Variants in PAQR5 observed in about 807,000 individuals in gnomAD.
PAQR5 encodes membrane progestin receptor gamma.
In PAQR5, 20 loss-of-function variants were observed where a neutral mutation model predicts 34.5. The ratio of observed to expected loss-of-function variants is 0.58; its 90% CI spans 0.41 to 0.84. The LOEUF is 0.84. Among genes scored for constraint, PAQR5 ranks in the 40% least tolerant of loss-of-function variants. PAQR5 has a pLI of 0.00. For synonymous variants in PAQR5, 131 were observed against 155.6 expected, an observed-to-expected ratio of 0.84 and a Z score of 1.18; for missense variants, 378 against 412.7, an observed-to-expected ratio of 0.92 and a Z score of 0.73.
intron 6 of PAQR5, among the ~76,000 whole-genome samples, chr15:69,393,021 A>G (rs946130367): frequency 6.6e-6 from 1 of 152,008 alleles, no homozygotes; most frequent in Non-Finnish European, 1.5e-5. Flanking sequence ...AAAAAAAAAA[A>G]TCCTACGCAC....
At chr15:69,361,726 C>T (rs2055237809) in intron 3 of PAQR5, among the ~76,000 whole-genome samples, 1 of 152,190 alleles carries the variant, frequency 6.6e-6, no homozygotes, top group Admixed American at 6.5e-5. Flanking sequence ...CCAATCACCT[C>T]CCACCAGGTT....
chr15:69,320,162 G>A (rs988215588), intron 1 of PAQR5, among the ~76,000 whole-genome samples: 1 of 152,236 alleles, frequency 6.6e-6, no homozygotes, highest in Non-Finnish European at 1.5e-5. Flanking sequence ...GGAGGACCCC[G>A]CCTGCTGCAC....
At chr15:69,312,627 T>C (rs9806178) in intron 1 of PAQR5, among the ~76,000 whole-genome samples, 68,120 of 149,222 alleles carry the variant, frequency 0.46, 16,385 homozygotes, top group African/African-American at 0.61. Flanking sequence ...CCCCTTCTCC[T>C]GTCCAGTCCC....
chr15:69,352,365 T>C (rs1359205341), intron 2 of PAQR5, among the ~76,000 whole-genome samples: 1 of 152,222 alleles, frequency 6.6e-6, no homozygotes, highest in Non-Finnish European at 1.5e-5. Context: ...GCCATAAAGT[T>C]GGGCATGCAC....
At chr15:69,400,171 C>T (rs1567044812) in intron 8 of PAQR5, 56 bp downstream of exon 8, 4 of 1,537,400 alleles carry the variant, frequency 2.6e-6, no homozygotes. Flanking sequence ...TGGGGAGGGT[C>T]CTGTCCCTGA....
At chr15:69,348,317 T>C (rs2054825293) in intron 2 of PAQR5, among the ~76,000 whole-genome samples, 2 of 152,238 alleles carry the variant, frequency 1.3e-5, no homozygotes, top group South Asian at 4.1e-4. Context: ...AAGAAAGTAC[T>C]GCGATTTTAA....
chr15:69,383,363 CTTTGTGTACATGGTGGAGGGTGA>C (rs2055978267), intron 4 of PAQR5, among the ~76,000 whole-genome samples: 1 of 139,864 alleles, frequency 7.1e-6, no homozygotes, highest in African/African-American at 2.8e-5. Context: ...GTGAGTGGGC[CTTTGTGTACATGGTGGAGGGTGA>C]CTGGCCCTCT....
intron 3 of PAQR5, among the ~76,000 whole-genome samples, chr15:69,364,617 TAA>T (rs2055342886): frequency 7.2e-6 from 1 of 139,392 alleles, no homozygotes; most frequent in South Asian, 2.3e-4. Context: ...GAAATGCTTT[TAA>T]CATTTCACCA....
intron 1 of PAQR5, among the ~76,000 whole-genome samples, chr15:69,307,009 T>C (rs1453597522): frequency 6.6e-6 from 1 of 152,226 alleles, no homozygotes; most frequent in Non-Finnish European, 1.5e-5. Flanking sequence ...TCACTTAGCA[T>C]AGTGTCTTCA....
chr15:69,370,091 C>T (rs986657045), intron 3 of PAQR5, among the ~76,000 whole-genome samples: 1 of 152,196 alleles, frequency 6.6e-6, no homozygotes, highest in African/African-American at 2.4e-5. Context: ...AACATCTAAT[C>T]GACCATCATT....
intron 1 of PAQR5, among the ~76,000 whole-genome samples, chr15:69,311,877 T>C (rs2053841835): frequency 6.6e-6 from 1 of 152,090 alleles, no homozygotes; most frequent in Admixed American, 6.5e-5. Flanking sequence ...TCAATTAAAA[T>C]CCTGCAGGTA....
At chr15:69,336,316 G>A (rs1360275844) in intron 1 of PAQR5, among the ~76,000 whole-genome samples, 1 of 151,996 alleles carries the variant, frequency 6.6e-6, no homozygotes, top group East Asian at 1.9e-4. Flanking sequence ...GTCCTCTAAA[G>A]TCCAAAAATG....
In PAQR5 at chr15:69,405,267, C is replaced by T; in HGVS notation, c.*1445C>T. 1 of 335,060 alleles carries T rather than the reference C, an allele frequency of 3.0e-6. No individual in the cohort carries two copies. Among genetic ancestry groups the T allele is most frequent in the Non-Finnish European group, 5.4e-6 (1 of 186,566 alleles). The allele number at this position is 335,060 out of a possible 1,614,324, so 20.8% of individuals were successfully genotyped here. On this transcript the variant is annotated 3_prime_UTR_variant, in exon 9 of 9. Transcript: ENST00000395407. ...TCCTCACAATGCAGGATCCTCTTTG[C>T]TGACTCAGGAATACTCCATATTTTA... is the stretch of plus-strand genomic sequence containing the variant.
chr15:69,377,828 C>T (rs1477291855), intron 3 of PAQR5, among the ~76,000 whole-genome samples: 1 of 152,130 alleles, frequency 6.6e-6, no homozygotes, highest in East Asian at 1.9e-4. Flanking sequence ...TGACTTGGAA[C>T]CCCAAGAAAT....
intron 1 of PAQR5, among the ~76,000 whole-genome samples, chr15:69,316,983 G>A (rs891540329): frequency 6.6e-6 from 1 of 152,036 alleles, no homozygotes; most frequent in Non-Finnish European, 1.5e-5. Flanking sequence ...CTAGGCCTGG[G>A]TAATTTTTGT....
intron 3 of PAQR5, among the ~76,000 whole-genome samples, chr15:69,378,066 C>G (rs1420095129): frequency 6.6e-6 from 1 of 151,692 alleles, no homozygotes; most frequent in Non-Finnish European, 1.5e-5. Context: ...AGTTTGAGAC[C>G]AGTCTGGGCA....
intron 4 of PAQR5, among the ~76,000 whole-genome samples, chr15:69,380,795 A>G (rs553163096): frequency 1.3e-5 from 2 of 152,352 alleles, no homozygotes; most frequent in East Asian, 3.9e-4. Context: ...CCACTGGTCG[A>G]TGTAGACACA....
At chr15:69,354,777 G>A (rs2055012466) in intron 2 of PAQR5, among the ~76,000 whole-genome samples, 1 of 152,142 alleles carries the variant, frequency 6.6e-6, no homozygotes, top group Admixed American at 6.5e-5. Flanking sequence ...TAAGTCCATG[G>A]ACCAAGTGGG....
intron 2 of PAQR5, among the ~76,000 whole-genome samples, chr15:69,357,493 A>T (rs2055111170): frequency 6.6e-6 from 1 of 151,976 alleles, no homozygotes. Context: ...CAAACTCCTG[A>T]CCTTAGGTGA....
Sources: gnomAD v4.1 joint callset for allele counts (sites outside exome capture counted in the v4.1 genomes callset) on GRCh38, gnomAD v4.1.1 for gene constraint, MANE v1.5 for transcripts, NCBI Gene and HGNC (gene_info 2026-07-23, HGNC 2026-07-21) for gene names.